Variants in CELF2 observed in about 807,000 individuals in gnomAD.
CELF2 encodes CUG triplet repeat RNA-binding protein 2.
A neutral mutation model predicts 62.6 loss-of-function variants in CELF2; 8 were observed. The observed-to-expected ratio is 0.13, with a 90% confidence interval of 0.07 to 0.23. CELF2 has a LOEUF of 0.23. Among genes scored for constraint, CELF2 ranks in the 10% least tolerant of loss-of-function variants. CELF2 has a pLI of 1.00. For synonymous variants in CELF2, 258 were observed against 250.0 expected, an observed-to-expected ratio of 1.03 and a Z score of -0.30; for missense variants, 333 against 671.0, an observed-to-expected ratio of 0.50 and a Z score of 5.56.
the CELF2 span, among the ~76,000 whole-genome samples, chr10:10,694,707 G>T: frequency 6.6e-6 from 1 of 151,696 alleles, no homozygotes; most frequent in Non-Finnish European, 1.5e-5. Context: ...TGTATTGGGT[G>T]CATATATATT....
At position 11,267,990 on chromosome 10, in the gene CELF2, AC is replaced by A. The variant is rs1191622239; in HGVS notation, c.618+1318del. Among the ~76,000 whole-genome samples the A allele has an allele frequency of 6.6e-6, 1 of 151,812 alleles. No homozygotes were observed. Among genetic ancestry groups the A allele is most frequent in the Non-Finnish European group, 1.5e-5 (1 of 67,948 alleles). ...GCAATGCATTTTTAAGACACTCACA[AC>A]CCCCTACCTGAAGGCAAGCTCAGGT... On this transcript the variant is annotated intron_variant, in intron 6 of 12. Coordinates refer to ENST00000633077, the MANE Select transcript of CELF2 (RefSeq NM_001326342.2). The surrounding 1 kb of genome is among the most constrained non-coding windows in gnomAD (Gnocchi z 4.4).
the CELF2 span, among the ~76,000 whole-genome samples, chr10:10,626,989 A>T: frequency 6.6e-6 from 1 of 152,202 alleles, no homozygotes; most frequent in Non-Finnish European, 1.5e-5. Context: ...AATGTCTCCA[A>T]TTCCAAACTC....
chr10:10,782,004 G>C, the CELF2 span, among the ~76,000 whole-genome samples: 1 of 152,076 alleles, frequency 6.6e-6, no homozygotes, highest in Non-Finnish European at 1.5e-5. Flanking sequence ...ATTTTATTCG[G>C]TATTTTAAGT....
At chr10:10,530,790 A>T in the CELF2 span, among the ~76,000 whole-genome samples, 14 of 152,366 alleles carry the variant, frequency 9.2e-5, no homozygotes, top group Middle Eastern at 6.8e-3. Flanking sequence ...CCAATATGTC[A>T]TGCTCTTCAC....
intron 2 of CELF2, among the ~76,000 whole-genome samples, chr10:11,200,563 C>T (rs1192476152): frequency 6.6e-6 from 1 of 152,190 alleles, no homozygotes; most frequent in Non-Finnish European, 1.5e-5. Context: ...ACTTAAATGC[C>T]ACTTGCTGGC....
chr10:10,993,168 TACAAAATAACTG>T lies in CELF2; in HGVS notation c.89+73170_89+73181del, dbSNP rs1186102872. 4.1e-4 allele frequency among the ~76,000 whole-genome samples: 62 copies of T among 152,216 alleles called. No individual in the cohort carries two copies. The highest frequency in any genetic ancestry group is 3.4e-3 in the Middle Eastern group (1 of 294). ...CAGATCAGTAATAAGGTGTATGAGC[TACAAAATAACTG>T]TTGCTTCCCTTCTGTCCTTCAGATC... is the stretch of plus-strand genomic sequence containing the variant. On this transcript the variant is annotated intron_variant, in intron 2 of 13. Coordinates refer to the CELF2 transcript ENST00000636488. The surrounding 1 kb of genome is among the most constrained non-coding windows in gnomAD (Gnocchi z 5.3).
At chr10:10,547,690 AGAGTGTGTGTGTGTGT>A in the CELF2 span, among the ~76,000 whole-genome samples, 156 of 131,130 alleles carry the variant, frequency 1.2e-3, 3 homozygotes, top group South Asian at 0.032. Context: ...AGAGAGAGAG[AGAGTGTGTGTGTGTGT>A]GTGTGTGTGT....
chr10:10,738,795 G>A, the CELF2 span, among the ~76,000 whole-genome samples: 6 of 152,282 alleles, frequency 3.9e-5, no homozygotes, highest in South Asian at 4.1e-4. Context: ...ATGACTAAAC[G>A]TGATATCTTG....
At chr10:10,680,069 G>A in the CELF2 span, among the ~76,000 whole-genome samples, 15 of 152,220 alleles carry the variant, frequency 9.9e-5, no homozygotes, top group Admixed American at 8.5e-4. Context: ...AGAATCATTA[G>A]CATTCTCGAA....
the CELF2 span, among the ~76,000 whole-genome samples, chr10:10,695,696 T>C: frequency 6.6e-6 from 1 of 152,154 alleles, no homozygotes; most frequent in Admixed American, 6.5e-5. Flanking sequence ...CTTGGAGGCT[T>C]TGCTCATTTC....
chr10:10,573,682 G>A, the CELF2 span, among the ~76,000 whole-genome samples: 1 of 151,996 alleles, frequency 6.6e-6, no homozygotes, highest in Non-Finnish European at 1.5e-5. Flanking sequence ...CTATTTTTCT[G>A]TAAATTAAAA....
At chr10:10,800,426 A>G (rs1344417915) in intron 1 of CELF2, among the ~76,000 whole-genome samples, 1 of 152,012 alleles carries the variant, frequency 6.6e-6, no homozygotes, top group African/African-American at 2.4e-5. Flanking sequence ...ATCTCTGCTC[A>G]CTGCAACCTC....
chr10:10,556,640 G>A, the CELF2 span, among the ~76,000 whole-genome samples: 3 of 152,088 alleles, frequency 2.0e-5, no homozygotes, highest in African/African-American at 7.2e-5. Context: ...CTAGTTTACA[G>A]TCCCACCAAC....
chr10:10,831,718 A>T (rs972724755), intron 1 of CELF2, among the ~76,000 whole-genome samples: 6 of 152,146 alleles, frequency 3.9e-5, no homozygotes, highest in African/African-American at 1.2e-4. Flanking sequence ...ATGCCTATAA[A>T]CCCAGCACTT....
At chr10:11,071,905 G>C (rs566365133) in intron 1 of CELF2, among the ~76,000 whole-genome samples, 1 of 152,278 alleles carries the variant, frequency 6.6e-6, no homozygotes, top group South Asian at 2.1e-4. Context: ...TGACATGTTT[G>C]GACATGTATA....
At chr10:10,498,736 C>T in the CELF2 span, among the ~76,000 whole-genome samples, 430 of 152,198 alleles carry the variant, frequency 2.8e-3, 1 homozygote, top group Non-Finnish European at 4.4e-3. Context: ...ATTAAATCCA[C>T]GGAAAATGAG....
chr10:10,921,130 T>G (rs577728169), intron 2 of CELF2, among the ~76,000 whole-genome samples: 43 of 152,044 alleles, frequency 2.8e-4, no homozygotes, highest in African/African-American at 1.0e-3. Flanking sequence ...AATTTTTGTA[T>G]TTTTCGTAGA....
rs1329770894 is a variant in CELF2 at position 11,197,070 on chromosome 10, G to GAAAGAAAGAAA, written c.272-20355_272-20354insAAAGAAAGAAA. 3.8e-5 allele frequency among the ~76,000 whole-genome samples: 3 copies of GAAAGAAAGAAA among 78,100 alleles called. No individual in the cohort carries two copies. In the South Asian group the frequency reaches 1.8e-3, roughly 47 times the overall value. 51.2% of individuals were successfully genotyped at this position (78,100 alleles called of 152,430 possible). A position where few individuals can be genotyped will look rare whatever the true frequency, so the allele number is the denominator to read the frequency against. On this transcript the variant is annotated intron_variant, in intron 2 of 12. Transcript: ENST00000633077. Reference sequence around the variant, plus strand: ...GAAAGAAAGAAAGAAAAGAAAGAAAGGAAAGAAAGAAAGAAGAAAGAAAGA... The same window carrying GAAAGAAAGAAA: ...GAAAGAAAGAAAGAAAAGAAAGAAAGAAAGAAAGAAAGAAAGAAAGAAAGAAGAAAGAAAGA...
chr10:11,004,591 CT>C (rs2054885996), upstream of CELF2, among the ~76,000 whole-genome samples: 1 of 152,150 alleles, frequency 6.6e-6, no homozygotes, highest in Non-Finnish European at 1.5e-5. This position sits in a 1 kb window ranked among gnomAD's most constrained non-coding sequence, Gnocchi z 5.0. Context: ...ACTCATTGGT[CT>C]TTTGCAGATG....
Sources: gnomAD v4.1 joint callset for allele counts (sites outside exome capture counted in the v4.1 genomes callset) on GRCh38, gnomAD v4.1.1 for gene constraint, Gnocchi (gnomAD v3.1) non-coding constraint, MANE v1.5 for transcripts, NCBI Gene and HGNC (gene_info 2026-07-23, HGNC 2026-07-21) for gene names.